GRID2: variants seen among roughly 807,000 people sequenced by gnomAD.
GRID2 encodes glutamate receptor ionotropic, delta-2.
GRID2 carries 33 observed loss-of-function variants against 114.8 expected under a neutral mutation model. The ratio of observed to expected loss-of-function variants is 0.29; its 90% CI spans 0.22 to 0.38. The LOEUF (loss-of-function observed/expected upper bound fraction) is 0.38. Ranked by LOEUF, GRID2 falls within the 10% of genes least tolerant of loss-of-function variation. GRID2 has a pLI of 1.00. For missense variants in GRID2, 1,184 were observed against 1,257.7 expected (o/e 0.94, Z 0.89); for synonymous variants, 505 against 449.9 (o/e 1.12, Z -1.55).
rs186535876 is a variant in GRID2, at chr4:92,862,588, A to G, written c.245-222407A>G. ...ATTTGTAAAGCACTTTAATCTTCCT[A>G]GAGCTTCCTGTGCCATCACCAACTA... On this transcript the variant is annotated intron_variant, in intron 2 of 15. Coordinates refer to ENST00000282020, the MANE Select transcript of GRID2 (RefSeq NM_001510.4). Among the ~76,000 whole-genome samples, 207 of 152,182 alleles carry G rather than the reference A, an allele frequency of 1.4e-3. 2 individuals carry two copies. Among genetic ancestry groups the G allele is most frequent in the Non-Finnish European group, 6.0e-4 (41 of 67,930 alleles).
chr4:92,367,187 C>G (rs575314536), intron 1 of GRID2, among the ~76,000 whole-genome samples: 9 of 152,124 alleles, frequency 5.9e-5, no homozygotes, highest in African/African-American at 2.2e-4. Flanking sequence ...TAGTTTTAAC[C>G]TCCATGGATG....
At chr4:92,645,711 C>CCTTA (rs1198231719) in intron 2 of GRID2, among the ~76,000 whole-genome samples, 2 of 151,710 alleles carry the variant, frequency 1.3e-5, no homozygotes, top group African/African-American at 4.8e-5. Flanking sequence ...ATGGACTGCT[C>CCTTA]CTTAACTTGA....
intron 1 of GRID2, among the ~76,000 whole-genome samples, chr4:92,349,304 A>G (rs1727942181): frequency 6.6e-6 from 1 of 152,002 alleles, no homozygotes; most frequent in Non-Finnish European, 1.5e-5. Context: ...GTCTAACTCT[A>G]TACTATCACA....
intron 1 of GRID2, among the ~76,000 whole-genome samples, chr4:92,455,457 G>A (rs1271227953): frequency 1.3e-5 from 2 of 152,158 alleles, no homozygotes; most frequent in Non-Finnish European, 2.9e-5. Flanking sequence ...ACACCATCAG[G>A]AGAGGATATA....
intron 2 of GRID2, among the ~76,000 whole-genome samples, chr4:92,978,073 T>C (rs995951006): frequency 2.6e-5 from 4 of 152,276 alleles, no homozygotes; most frequent in Admixed American, 2.6e-4. Context: ...GAGAAGGTGA[T>C]TCACGACCAA....
At position 92,832,386 on chromosome 4, in the gene GRID2, GTTTGT is replaced by G. The variant is rs1240646804; in HGVS notation, c.244+242119_244+242123del. ...GAGAATATCTTTTTTTGTTGTTTTT[GTTTGT>G]TTTGTTTTGTTTTGTTTTTTGAGAC... On this transcript the variant is annotated intron_variant, in intron 2 of 15. Coordinates refer to ENST00000282020, the MANE Select transcript of GRID2 (RefSeq NM_001510.4). 8.6e-5 allele frequency among the ~76,000 whole-genome samples: 13 copies of G among 152,030 alleles called. 1 individual carries two copies. The South Asian group carries it at 1.9e-3, about 22-fold the overall frequency.
intron 2 of GRID2, among the ~76,000 whole-genome samples, chr4:93,025,995 T>A (rs1339528203): frequency 6.6e-6 from 1 of 151,828 alleles, no homozygotes; most frequent in African/African-American, 2.4e-5. Context: ...TTATATTCAT[T>A]ACTTAGAAGA....
intron 13 of GRID2, among the ~76,000 whole-genome samples, chr4:93,532,678 C>G (rs1731569408): frequency 6.6e-6 from 1 of 152,068 alleles, no homozygotes; most frequent in Non-Finnish European, 1.5e-5. Context: ...TTATGCAATT[C>G]CAGCAACAGA....
chr4:93,327,666 C>T (rs895572570), intron 8 of GRID2, among the ~76,000 whole-genome samples: 3 of 149,264 alleles, frequency 2.0e-5, no homozygotes, highest in Non-Finnish European at 4.4e-5. Context: ...CATGTTCTCA[C>T]TTATAAGTGG....
exon 2 of GRID2, chr4:93,808,264 G>T (rs188044469): frequency 6.6e-6 from 1 of 152,270 alleles, no homozygotes; most frequent in Admixed American, 6.5e-5. Context: ...TCAAGTTTGG[G>T]TCTTGGTGCT....
intron 1 of GRID2, among the ~76,000 whole-genome samples, chr4:92,563,413 A>G (rs974478996): frequency 3.9e-5 from 6 of 152,104 alleles, no homozygotes; most frequent in African/African-American, 1.2e-4. Context: ...TGAGCTGGAA[A>G]ATTGATTTTA....
At chr4:93,291,473 G>C (rs542173402) in intron 8 of GRID2, among the ~76,000 whole-genome samples, 22 of 152,142 alleles carry the variant, frequency 1.4e-4, no homozygotes, top group Non-Finnish European at 2.6e-4. Flanking sequence ...CTGACGTATA[G>C]TAAACACTAT....
intron 14 of GRID2, among the ~76,000 whole-genome samples, chr4:93,723,200 G>A (rs1729544159): frequency 6.6e-6 from 1 of 152,164 alleles, no homozygotes; most frequent in South Asian, 2.1e-4. Context: ...TTCATCCTAT[G>A]CTATTACGGT....
At chr4:93,679,788 G>C (rs1725319789) in intron 14 of GRID2, among the ~76,000 whole-genome samples, 1 of 150,572 alleles carries the variant, frequency 6.6e-6, no homozygotes, top group Admixed American at 6.6e-5. Context: ...GTGTGTAGAG[G>C]GAAATTTATA....
intron 11 of GRID2, among the ~76,000 whole-genome samples, chr4:93,484,900 T>TAG (rs1379133457): frequency 6.6e-6 from 1 of 151,882 alleles, no homozygotes; most frequent in Non-Finnish European, 1.5e-5. Flanking sequence ...TCTACAAACA[T>TAG]TTCTGTCTCT....
chr4:93,055,966 A>T (rs1387299237), intron 2 of GRID2, among the ~76,000 whole-genome samples: 5 of 151,378 alleles, frequency 3.3e-5, no homozygotes, highest in African/African-American at 1.2e-4. Flanking sequence ...TTGAATTCAC[A>T]CTCTTAGTTT....
intron 14 of GRID2, among the ~76,000 whole-genome samples, chr4:93,683,154 G>A: frequency 6.6e-6 from 1 of 151,898 alleles, no homozygotes; most frequent in East Asian, 1.9e-4. Context: ...CATCAGCATA[G>A]CCTCTCTCCC....
rs531522870 is a variant in GRID2 at position 93,437,916 on chromosome 4, A to C, written c.1545+14948A>C. Among the ~76,000 whole-genome samples, 5 of 152,204 alleles carry C rather than the reference A, an allele frequency of 3.3e-5. No individual in the cohort carries two copies. The South Asian group carries it at 8.3e-4, about 25-fold the overall frequency. ...TTTGTGTAATGTTACACATCTATCT[A>C]TATATATCTACATCTATATCTATAA... On this transcript the variant is annotated intron_variant, in intron 10 of 15. Transcript: ENST00000282020.
chr4:92,897,677 A>G (rs1747273307), intron 2 of GRID2, among the ~76,000 whole-genome samples: 1 of 152,192 alleles, frequency 6.6e-6, no homozygotes, highest in South Asian at 2.1e-4. Context: ...GTGTGTAACT[A>G]TATAGGAAAT....
Sources: gnomAD v4.1 joint callset for allele counts (sites outside exome capture counted in the v4.1 genomes callset) on GRCh38, gnomAD v4.1.1 for gene constraint, MANE v1.5 for transcripts, NCBI Gene and HGNC (gene_info 2026-07-23, HGNC 2026-07-21) for gene names.